Variants in DIXDC1 observed in about 807,000 individuals in gnomAD.
DIXDC1 encodes DIX domain containing 1, also known as dixin.
DIXDC1 carries 64 observed loss-of-function variants against 103.1 expected under a neutral mutation model. That is an observed-to-expected ratio of 0.62 (90% CI 0.51 to 0.76). The LOEUF is 0.76. DIXDC1 is among the 30% of genes least tolerant of loss of function. DIXDC1 has a pLI of 0.00. For synonymous variants in DIXDC1, 266 were observed against 298.5 expected (o/e 0.89, Z 1.12); for missense variants, 759 against 834.2 (o/e 0.91, Z 1.11).
chr11:111,970,649 G>A (rs1335038259), intron 3 of DIXDC1, among the ~76,000 whole-genome samples: 4 of 142,822 alleles, frequency 2.8e-5, no homozygotes, highest in Non-Finnish European at 6.0e-5. Flanking sequence ...GCAACAGAGC[G>A]AAACTCTATC....
At chr11:111,996,704 G>A (rs1860911626) in intron 17 of DIXDC1, among the ~76,000 whole-genome samples, 1 of 152,082 alleles carries the variant, frequency 6.6e-6, no homozygotes, top group South Asian at 2.1e-4. Context: ...ACAAAAATTA[G>A]CCAGGTGTGG....
Position 111,937,450 on chromosome 11 carries a change from C to G in DIXDC1, c.-50C>G. 1 of 1,550,192 alleles carries G rather than the reference C, an allele frequency of 6.5e-7. No individual in the cohort carries two copies. Among genetic ancestry groups the G allele is most frequent in the South Asian group, 1.2e-5 (1 of 83,682 alleles). Reference sequence around the variant, plus strand: ...GTGCAGAGGGAGGAGGAGGAGGCGGCGGCGGCCGCCGGGCTGGAGACCCCG... The same window carrying G: ...GTGCAGAGGGAGGAGGAGGAGGCGGGGGCGGCCGCCGGGCTGGAGACCCCG... On this transcript the variant is annotated 5_prime_UTR_variant, in exon 1 of 20. Coordinates refer to ENST00000440460, the MANE Select transcript of DIXDC1 (RefSeq NM_001037954.4).
At chr11:112,013,862 C>G (rs1323176649) in intron 17 of DIXDC1, among the ~76,000 whole-genome samples, 1 of 152,152 alleles carries the variant, frequency 6.6e-6, no homozygotes, top group African/African-American at 2.4e-5. Flanking sequence ...ATTCGGCTGG[C>G]TGGAAAGTTG....
At chr11:111,966,484 A>C (rs1478480834) in intron 2 of DIXDC1, among the ~76,000 whole-genome samples, 1 of 147,616 alleles carries the variant, frequency 6.8e-6, no homozygotes, top group African/African-American at 2.6e-5. Context: ...GCTCACTGCA[A>C]GCTCCGCCTC....
chr11:111,979,789 C>T (rs1314780280), intron 5 of DIXDC1, among the ~76,000 whole-genome samples: 2 of 151,990 alleles, frequency 1.3e-5, no homozygotes, highest in African/African-American at 4.8e-5. Context: ...AGAACTTGTT[C>T]TACAAAATGA....
chr11:112,001,679 C>T (rs1356878355), intron 17 of DIXDC1, among the ~76,000 whole-genome samples: 1 of 151,658 alleles, frequency 6.6e-6, no homozygotes, highest in Non-Finnish European at 1.5e-5. Context: ...AGATAGGATA[C>T]AAGTACTGGC....
intron 17 of DIXDC1, among the ~76,000 whole-genome samples, chr11:112,002,260 GA>G (rs58201567): frequency 0.075 from 10,188 of 136,514 alleles, 941 homozygotes; most frequent in African/African-American, 0.22. Flanking sequence ...GCAGGCATGT[GA>G]AAAAAAAAAA....
intron 1 of DIXDC1, among the ~76,000 whole-genome samples, chr11:111,956,165 C>T (rs1037967818): frequency 2.0e-5 from 3 of 152,090 alleles, no homozygotes; most frequent in South Asian, 2.1e-4. Context: ...TATGAAGTAT[C>T]TAAAGTAGTC....
upstream of DIXDC1, among the ~76,000 whole-genome samples, chr11:111,933,929 TCTTA>T (rs1474120405): frequency 6.6e-6 from 1 of 152,230 alleles, no homozygotes; most frequent in Non-Finnish European, 1.5e-5. Flanking sequence ...AGGCTCAAAG[TCTTA>T]CTTAGGCTAA....
chr11:112,002,835 G>T (rs1861111321), intron 17 of DIXDC1, among the ~76,000 whole-genome samples: 1 of 152,092 alleles, frequency 6.6e-6, no homozygotes, highest in Admixed American at 6.6e-5. Flanking sequence ...GGAATTCATC[G>T]AAGTGTCCAT....
At chr11:111,930,925 C>T (rs1431062398) in intron 2 of DIXDC1, among the ~76,000 whole-genome samples, 3 of 145,420 alleles carry the variant, frequency 2.1e-5, no homozygotes, top group Non-Finnish European at 4.5e-5. Context: ...ACCATCTTGG[C>T]TCACTGCAAC....
intron 1 of DIXDC1, among the ~76,000 whole-genome samples, chr11:111,960,811 A>G (rs2137499570): frequency 6.6e-6 from 1 of 152,120 alleles, no homozygotes; most frequent in African/African-American, 2.4e-5. Context: ...CTGGTTGTTA[A>G]CCAAGGGGGC....
intron 2 of DIXDC1, among the ~76,000 whole-genome samples, chr11:111,931,053 C>T (rs1195831655): frequency 1.3e-5 from 2 of 151,720 alleles, no homozygotes; most frequent in Non-Finnish European, 2.9e-5. Context: ...GGGGTTTTAC[C>T]ATGTTGATCA....
At chr11:111,962,120 G>C (rs1249492530) in intron 1 of DIXDC1, among the ~76,000 whole-genome samples, 3 of 152,170 alleles carry the variant, frequency 2.0e-5, no homozygotes, top group African/African-American at 7.2e-5. Context: ...AGGGAGATCA[G>C]AGTCTGTGGT....
chr11:111,942,386 A>C (rs1014726433), intron 1 of DIXDC1, among the ~76,000 whole-genome samples: 3 of 152,248 alleles, frequency 2.0e-5, no homozygotes, highest in African/African-American at 7.2e-5. Context: ...CTAGGCTGTA[A>C]GGACCAAAGG....
upstream of DIXDC1, among the ~76,000 whole-genome samples, chr11:111,932,835 T>C (rs1966073973): frequency 6.6e-6 from 1 of 152,038 alleles, no homozygotes; most frequent in African/African-American, 2.4e-5. Context: ...CCCTCCAGTC[T>C]TGTTTCTTGC....
At chr11:111,937,601 A>G (rs1966255892) in intron 1 of DIXDC1, 42 bp downstream of exon 1, 1 of 1,550,542 alleles carries the variant, frequency 6.4e-7, no homozygotes, top group Non-Finnish European at 8.7e-7. Context: ...CCCCTCCCCC[A>G]GCGTCTCCCG....
chr11:111,966,814 C>A (rs1555171599), intron 2 of DIXDC1, among the ~76,000 whole-genome samples: 1 of 152,186 alleles, frequency 6.6e-6, no homozygotes, highest in East Asian at 1.9e-4. Flanking sequence ...CCTATGCTTT[C>A]TTTAATCTGC....
At chr11:111,939,620 A>C (rs1466667280) in intron 1 of DIXDC1, among the ~76,000 whole-genome samples, 2 of 152,230 alleles carry the variant, frequency 1.3e-5, no homozygotes, top group Non-Finnish European at 2.9e-5. Flanking sequence ...CATCATCTAA[A>C]TAACAATGAC....
Sources: gnomAD v4.1 joint callset for allele counts (sites outside exome capture counted in the v4.1 genomes callset) on GRCh38, gnomAD v4.1.1 for gene constraint, MANE v1.5 for transcripts, NCBI Gene and HGNC (gene_info 2026-07-23, HGNC 2026-07-21) for gene names.